Variants in ELOVL6 observed in about 807,000 individuals in gnomAD.
ELOVL6 encodes very long chain fatty acid elongase 6.
A neutral mutation model predicts 31.7 loss-of-function variants in ELOVL6; 8 were observed. That is an observed-to-expected ratio of 0.25 (90% CI 0.15 to 0.45). The LOEUF is 0.45. Among genes scored for constraint, ELOVL6 ranks in the 20% least tolerant of loss-of-function variants. The pLI is 1.00. For synonymous variants in ELOVL6, 101 were observed against 117.7 expected (o/e 0.86, Z 0.92); for missense variants, 126 against 326.4 (o/e 0.39, Z 4.73).
intron 1 of ELOVL6, among the ~76,000 whole-genome samples, chr4:110,136,193 A>G (rs1014283332): frequency 1.3e-5 from 2 of 152,154 alleles, no homozygotes; most frequent in Admixed American, 6.5e-5. Flanking sequence ...ACTTTTTGAC[A>G]TATCATGAGT....
At chr4:110,112,085 C>A (rs1355355115) in intron 1 of ELOVL6, among the ~76,000 whole-genome samples, 3 of 152,152 alleles carry the variant, frequency 2.0e-5, no homozygotes, top group African/African-American at 7.2e-5. Context: ...ATAACTTGTG[C>A]CCCCAGAAAA....
At chr4:110,126,283 T>A (rs1282848222) in intron 1 of ELOVL6, among the ~76,000 whole-genome samples, 1 of 152,160 alleles carries the variant, frequency 6.6e-6, no homozygotes, top group East Asian at 1.9e-4. Flanking sequence ...GACTCAAGGC[T>A]GACCCACCTG....
At chr4:110,103,301 G>GA (rs962514499) in intron 2 of ELOVL6, among the ~76,000 whole-genome samples, 15 of 149,518 alleles carry the variant, frequency 1.0e-4, no homozygotes, top group African/African-American at 2.5e-4. Context: ...TGTAATTAAA[G>GA]AAAAAAAAAT....
intron 2 of ELOVL6, among the ~76,000 whole-genome samples, chr4:110,065,689 C>T (rs17041326): frequency 0.043 from 6,539 of 152,198 alleles, 337 homozygotes; most frequent in East Asian, 0.16. Context: ...TGACCATTTA[C>T]CTACTTGGAA....
intron 2 of ELOVL6, among the ~76,000 whole-genome samples, chr4:110,079,650 T>C (rs893001548): frequency 6.6e-6 from 1 of 151,932 alleles, no homozygotes; most frequent in Non-Finnish European, 1.5e-5. Flanking sequence ...AAAGATCTAA[T>C]TGACACCCTA....
At chr4:110,097,304 C>CAAAAAAAAAAAAA (rs1756609419) in intron 2 of ELOVL6, among the ~76,000 whole-genome samples, 1 of 63,924 alleles carries the variant, frequency 1.6e-5, no homozygotes, top group Non-Finnish European at 2.7e-5. Flanking sequence ...GACTCCATCT[C>CAAAAAAAAAAAAA]CAAAAAAAAA....
Position 110,179,215 on chromosome 4 carries a change from C to T in ELOVL6, c.89+19032G>A, listed in dbSNP as rs181700371. ...TGTATGTAAACTTCAGAAAATAGGG[C>T]AAAAATAGGCCAGGTATAGTGGCTC... On this transcript the variant is annotated intron_variant, in intron 1 of 3. Transcript: ENST00000302274. Among the ~76,000 whole-genome samples, 101 of 152,030 alleles carry T rather than the reference C, an allele frequency of 6.6e-4. 1 individual carries two copies. Among genetic ancestry groups the T allele is most frequent in the Middle Eastern group, 3.4e-3 (1 of 294 alleles).
At chr4:110,180,675 G>A (rs1248987553) in intron 1 of ELOVL6, among the ~76,000 whole-genome samples, 1 of 152,104 alleles carries the variant, frequency 6.6e-6, no homozygotes, top group African/African-American at 2.4e-5. Flanking sequence ...GCCTCCCAAA[G>A]TGCTGGGATT....
intron 1 of ELOVL6, among the ~76,000 whole-genome samples, chr4:110,166,735 G>T (rs1758789943): frequency 6.6e-6 from 1 of 152,016 alleles, no homozygotes; most frequent in Non-Finnish European, 1.5e-5. Context: ...GAGTATTCTG[G>T]TGCTACCACC....
intron 2 of ELOVL6, among the ~76,000 whole-genome samples, chr4:110,067,924 G>GT (rs1755353038): frequency 6.6e-6 from 1 of 151,836 alleles, no homozygotes; most frequent in African/African-American, 2.4e-5. Flanking sequence ...TAATCCTTGT[G>GT]TTTTTTTAAT....
intron 1 of ELOVL6, among the ~76,000 whole-genome samples, chr4:110,134,132 G>A (rs1757744046): frequency 6.6e-6 from 1 of 152,166 alleles, no homozygotes; most frequent in Non-Finnish European, 1.5e-5. Context: ...ATAGTGTTGT[G>A]TACAAAAATA....
At chr4:110,134,562 C>T (rs10006220) in intron 1 of ELOVL6, among the ~76,000 whole-genome samples, 2,062 of 152,000 alleles carry the variant, frequency 0.014, 40 homozygotes, top group African/African-American at 0.045. Flanking sequence ...AAGTGGAGAT[C>T]GGGAAATAAA....
chr4:110,139,452 G>C (rs1161817756), intron 1 of ELOVL6, among the ~76,000 whole-genome samples: 2 of 151,942 alleles, frequency 1.3e-5, no homozygotes, highest in East Asian at 1.9e-4. Context: ...CCCTGTTAAA[G>C]ATTTTTTCTT....
chr4:110,077,639 A>C (rs138850498), intron 2 of ELOVL6, among the ~76,000 whole-genome samples: 45 of 152,322 alleles, frequency 3.0e-4, no homozygotes, highest in African/African-American at 9.9e-4. Flanking sequence ...AAGACGGGGA[A>C]AAAACAGAGC....
At chr4:110,149,221 A>G (rs1260482941) in intron 1 of ELOVL6, among the ~76,000 whole-genome samples, 1 of 152,152 alleles carries the variant, frequency 6.6e-6, no homozygotes, top group African/African-American at 2.4e-5. Flanking sequence ...AAAACTATGG[A>G]GATTTCTTCG....
At chr4:110,190,941 C>A (rs1759597793) in intron 1 of ELOVL6, among the ~76,000 whole-genome samples, 1 of 151,982 alleles carries the variant, frequency 6.6e-6, no homozygotes, top group South Asian at 2.1e-4. Context: ...GTCTCAGCAT[C>A]CAGAGTAGCT....
At chr4:110,135,961 A>G (rs1757798027) in intron 1 of ELOVL6, among the ~76,000 whole-genome samples, 2 of 152,210 alleles carry the variant, frequency 1.3e-5, no homozygotes, top group Non-Finnish European at 2.9e-5. Flanking sequence ...AGTCTAGTAG[A>G]AAAATGAATT....
intron 1 of ELOVL6, among the ~76,000 whole-genome samples, chr4:110,120,798 CTTTTTTTTTTTTTT>C (rs1008949209): frequency 9.3e-5 from 11 of 117,872 alleles, no homozygotes; most frequent in South Asian, 2.9e-4. Context: ...TTTTTCTTTT[CTTTTTTTTTTTTTT>C]TTTTTTGAAA....
intron 1 of ELOVL6, among the ~76,000 whole-genome samples, chr4:110,124,272 C>T (rs1056111274): frequency 6.6e-6 from 1 of 152,158 alleles, no homozygotes; most frequent in Non-Finnish European, 1.5e-5. Context: ...TTTACTGCAG[C>T]ACTATTCACA....
Sources: allele counts gnomAD v4.1 joint callset (sites outside exome capture counted in the v4.1 genomes callset), GRCh38; gene constraint gnomAD v4.1.1; transcripts MANE v1.5; gene names NCBI Gene and HGNC (gene_info 2026-07-23, HGNC 2026-07-21).